AGBL4: variants seen among roughly 807,000 people sequenced by gnomAD.
The protein encoded by AGBL4 is cytosolic carboxypeptidase 6.
A neutral mutation model predicts 66.4 loss-of-function variants in AGBL4; 58 were observed. That is an observed-to-expected ratio of 0.87 (90% confidence interval 0.71 to 1.09). AGBL4 has a LOEUF of 1.09. Ranked by LOEUF, AGBL4 falls within the 50% of genes least tolerant of loss-of-function variation. The probability of loss-of-function intolerance (pLI) is 0.00; values close to 1 mark genes in which losing one functional copy is unlikely to be tolerated. For missense variants in AGBL4, 579 were observed against 631.0 expected, an observed-to-expected ratio of 0.92 and a Z score of 0.88; for synonymous variants, 234 against 222.9, an observed-to-expected ratio of 1.05 and a Z score of -0.44.
chr1:48,866,346 T>A (rs1648085657), intron 6 of AGBL4, among the ~76,000 whole-genome samples: 1 of 152,204 alleles, frequency 6.6e-6, no homozygotes, highest in Admixed American at 6.5e-5. Flanking sequence ...ACCTGCCGTA[T>A]GACCACTGTG....
At chr1:49,880,115 C>A (rs890877036) in intron 1 of AGBL4, among the ~76,000 whole-genome samples, 3 of 151,824 alleles carry the variant, frequency 2.0e-5, no homozygotes, top group African/African-American at 7.3e-5. Flanking sequence ...AATGTCCTCC[C>A]GTAGCTCAGA....
chr1:49,937,891 C>T (rs1195010284), intron 1 of AGBL4, among the ~76,000 whole-genome samples: 2 of 151,996 alleles, frequency 1.3e-5, no homozygotes, highest in African/African-American at 4.8e-5. Flanking sequence ...CAAGAGAAAG[C>T]AGGAAAGATC....
rs776083792 is a variant in AGBL4, at chr1:48,586,882, TC to T, written c.1267+121del. On this transcript the variant is annotated intron_variant, in intron 11 of 13. Coordinates refer to ENST00000371839, the MANE Select transcript of AGBL4 (RefSeq NM_032785.4). ...AGACGCCACCAGAAGAAGAAGCACC[TC>T]CATCCTCACCTGAGAGTCTCAGCCC... 12 of 1,310,062 alleles carry T rather than the reference TC, an allele frequency of 9.2e-6. No homozygotes were observed. The South Asian group carries it at 1.6e-4, about 18-fold the overall frequency. 81.2% of individuals were successfully genotyped at this position (1,310,062 alleles called of 1,614,324 possible).
intron 3 of AGBL4, among the ~76,000 whole-genome samples, chr1:49,330,601 T>C (rs1245111232): frequency 6.6e-6 from 1 of 152,200 alleles, no homozygotes; most frequent in Non-Finnish European, 1.5e-5. Context: ...CTAATGTTCA[T>C]AAGGCAGGTC....
At chr1:48,856,618 A>T (rs1402758094) in intron 6 of AGBL4, among the ~76,000 whole-genome samples, 1 of 152,198 alleles carries the variant, frequency 6.6e-6, no homozygotes, top group Non-Finnish European at 1.5e-5. Flanking sequence ...TTCAAATCAT[A>T]GGAGACTTTA....
chr1:49,939,500 C>T (rs1349339403), intron 1 of AGBL4, among the ~76,000 whole-genome samples: 1 of 151,726 alleles, frequency 6.6e-6, no homozygotes, highest in Non-Finnish European at 1.5e-5. Context: ...GGTACCAAAA[C>T]AGAGATATAG....
At chr1:48,653,282 T>C in intron 8 of AGBL4, 55 bp downstream of exon 8, 3 of 1,364,414 alleles carry the variant, frequency 2.2e-6, no homozygotes, top group South Asian at 1.3e-5. Flanking sequence ...TTTTCTTGCT[T>C]CCATACTACC....
intron 6 of AGBL4, among the ~76,000 whole-genome samples, chr1:48,816,988 T>A (rs1164488804): frequency 6.6e-6 from 1 of 151,954 alleles, no homozygotes; most frequent in Non-Finnish European, 1.5e-5. Context: ...GTGAAGGAAG[T>A]CATTTGAGGC....
chr1:49,948,006 A>ATT (rs1334738014), intron 1 of AGBL4, among the ~76,000 whole-genome samples: 85 of 85,828 alleles, frequency 9.9e-4, no homozygotes, highest in African/African-American at 3.4e-3. Context: ...ATAAATATAT[A>ATT]TAAATATATA....
At chr1:49,856,664 A>C (rs1413136720) in intron 1 of AGBL4, among the ~76,000 whole-genome samples, 1 of 152,154 alleles carries the variant, frequency 6.6e-6, no homozygotes, top group Admixed American at 6.5e-5. Context: ...AATGCACTCC[A>C]TAAAATTCAT....
chr1:50,023,464 T>C (rs1662597730), intron 1 of AGBL4, among the ~76,000 whole-genome samples: 1 of 152,132 alleles, frequency 6.6e-6, no homozygotes, highest in Non-Finnish European at 1.5e-5. Flanking sequence ...TCACCACAGG[T>C]GATCCCAGGA....
chr1:49,337,194 A>C (rs901751938), intron 3 of AGBL4, among the ~76,000 whole-genome samples: 3 of 152,134 alleles, frequency 2.0e-5, no homozygotes, highest in African/African-American at 7.2e-5. Flanking sequence ...TTCTTCCTTT[A>C]GTTGTCATAA....
At chr1:48,747,156 CT>C (rs1650896424) in intron 6 of AGBL4, among the ~76,000 whole-genome samples, 1 of 152,218 alleles carries the variant, frequency 6.6e-6, no homozygotes, top group African/African-American at 2.4e-5. Context: ...ATAATAAGCA[CT>C]TGCGTTAAGA....
At chr1:48,802,467 T>C (rs1339447292) in intron 6 of AGBL4, among the ~76,000 whole-genome samples, 1 of 152,172 alleles carries the variant, frequency 6.6e-6, no homozygotes, top group African/African-American at 2.4e-5. Flanking sequence ...AAATTGCATT[T>C]TAATCATTCC....
intron 1 of AGBL4, among the ~76,000 whole-genome samples, chr1:49,953,217 T>C (rs1422950831): frequency 1.3e-5 from 2 of 151,982 alleles, no homozygotes; most frequent in African/African-American, 4.8e-5. Context: ...CATATTCCCA[T>C]ATGTGAATCT....
chr1:49,024,246 A>G (rs72682960), intron 5 of AGBL4, among the ~76,000 whole-genome samples: 4,021 of 152,232 alleles, frequency 0.026, 83 homozygotes, highest in Non-Finnish European at 0.041. Context: ...TCGCACTCTC[A>G]AACATCCTTC....
At chr1:49,185,240 A>G (rs1011272706) in intron 4 of AGBL4, among the ~76,000 whole-genome samples, 1 of 152,206 alleles carries the variant, frequency 6.6e-6, no homozygotes, top group Non-Finnish European at 1.5e-5. Context: ...TCCACTTGAC[A>G]TAACAGATTC....
intron 3 of AGBL4, among the ~76,000 whole-genome samples, chr1:49,312,181 G>A (rs1482660057): frequency 6.6e-6 from 1 of 151,980 alleles, no homozygotes; most frequent in Non-Finnish European, 1.5e-5. Flanking sequence ...AAGCAACTAG[G>A]CCATGGTGGC....
chr1:49,895,271 T>C (rs1649078118), intron 1 of AGBL4, among the ~76,000 whole-genome samples: 2 of 148,368 alleles, frequency 1.3e-5, no homozygotes, highest in African/African-American at 4.9e-5. Context: ...AGTTCTTCAA[T>C]CATAAAGAAA....
Sources: allele counts gnomAD v4.1 joint callset (sites outside exome capture counted in the v4.1 genomes callset), GRCh38; gene constraint gnomAD v4.1.1; transcripts MANE v1.5; gene names NCBI Gene and HGNC (gene_info 2026-07-23, HGNC 2026-07-21).